Variants in SLC28A1 observed in about 807,000 individuals in gnomAD.
SLC28A1 encodes solute carrier family 28 member 1.
In SLC28A1, 64 loss-of-function variants were observed where a neutral mutation model predicts 74.8. The ratio of observed to expected loss-of-function variants is 0.86; its 90% CI spans 0.70 to 1.05. SLC28A1 has a LOEUF of 1.05. Among genes scored for constraint, SLC28A1 ranks in the 50% least tolerant of loss-of-function variants. The pLI, the probability that SLC28A1 is intolerant of heterozygous loss-of-function variation, is 0.00. For missense variants in SLC28A1, 828 were observed against 822.8 expected (o/e 1.01, Z -0.08); for synonymous variants, 359 against 335.0 (o/e 1.07, Z -0.78).
At chr15:84,886,310 A>C (rs7173860) in intron 1 of SLC28A1, 405,087 of 984,476 alleles carry the variant, frequency 0.41, 83,613 homozygotes, top group East Asian at 0.49. Flanking sequence ...GGAGATAGAG[A>C]AAGATGCAAA....
At chr15:84,948,593 G>A (rs2079310491), downstream of SLC28A1, among the ~76,000 whole-genome samples, 2 of 152,132 alleles carry the variant, frequency 1.3e-5, no homozygotes, top group South Asian at 4.1e-4. Flanking sequence ...CTATGGCTTG[G>A]AGCTGACCTC....
chr15:84,921,596 C>G (rs1969840111), intron 11 of SLC28A1, among the ~76,000 whole-genome samples: 1 of 152,202 alleles, frequency 6.6e-6, no homozygotes, highest in Non-Finnish European at 1.5e-5. Flanking sequence ...CCTCTGGAGA[C>G]TCTGCCAAGG....
the SLC28A1 span, among the ~76,000 whole-genome samples, chr15:84,954,632 G>A: frequency 1.3e-5 from 2 of 152,302 alleles, no homozygotes; most frequent in South Asian, 4.1e-4. Context: ...ACAGTTCAGC[G>A]GCTGAGCCAG....
intron 8 of SLC28A1, among the ~76,000 whole-genome samples, chr15:84,906,876 A>G (rs1160120041): frequency 6.6e-6 from 1 of 152,184 alleles, no homozygotes; most frequent in African/African-American, 2.4e-5. Flanking sequence ...TCAAAAGAAA[A>G]TTAGAACAAA....
intron 15 of SLC28A1, 152 bp downstream of exon 15, chr15:84,935,670 G>A (rs1971800403): frequency 2.9e-6 from 2 of 684,910 alleles, no homozygotes; most frequent in Non-Finnish European, 5.0e-6. Context: ...CTGGGAGACA[G>A]GACAGCTTCA....
rs540329904 is a variant in SLC28A1, at chr15:84,900,988, C to A, written c.462-3109C>A. On this transcript the variant is annotated intron_variant, in intron 6 of 18. Transcript: ENST00000394573. ...CCTGTAATCCCAGCACTTTGGGAGG[C>A]TGAGGCAGGCAGATCACGAGGTCAA... 1.8e-4 allele frequency among the ~76,000 whole-genome samples: 27 copies of A among 152,264 alleles called. 1 individual carries two copies. In the South Asian group the frequency reaches 3.3e-3, roughly 19 times the overall value.
the SLC28A1 span, among the ~76,000 whole-genome samples, chr15:84,974,812 A>G: frequency 8.7e-4 from 132 of 152,156 alleles, no homozygotes; most frequent in Non-Finnish European, 1.1e-3. Context: ...ATTGTGAGGG[A>G]GGTCTTGGAA....
chr15:84,946,062 A>C (rs1163562157), downstream of SLC28A1, among the ~76,000 whole-genome samples: 2 of 71,054 alleles, frequency 2.8e-5, no homozygotes, highest in African/African-American at 5.9e-5. Flanking sequence ...ATACATACAT[A>C]TATATATATG....
the SLC28A1 span, among the ~76,000 whole-genome samples, chr15:84,961,820 T>C: frequency 2.0e-5 from 3 of 152,232 alleles, no homozygotes; most frequent in African/African-American, 7.2e-5. Context: ...CAGGAAGAGT[T>C]TGGGATTCAC....
At chr15:84,891,146 G>A (rs987007037) in intron 5 of SLC28A1, among the ~76,000 whole-genome samples, 1 of 152,152 alleles carries the variant, frequency 6.6e-6, no homozygotes, top group African/African-American at 2.4e-5. Context: ...GAACAGGGAA[G>A]CGTCAAGGTG....
intron 11 of SLC28A1, among the ~76,000 whole-genome samples, chr15:84,922,250 T>C (rs1439772147): frequency 2.0e-5 from 3 of 152,190 alleles, no homozygotes; most frequent in African/African-American, 7.2e-5. Context: ...AACTCAGGAC[T>C]GACAGGTCAA....
chr15:84,974,760 C>T, the SLC28A1 span, among the ~76,000 whole-genome samples: 1 of 152,122 alleles, frequency 6.6e-6, no homozygotes, highest in Non-Finnish European at 1.5e-5. Context: ...CTTTAGGATG[C>T]AGGAGACAGT....
intron 12 of SLC28A1, among the ~76,000 whole-genome samples, chr15:84,926,364 ATTTTTTT>A (rs35383548): frequency 2.3e-5 from 3 of 130,368 alleles, no homozygotes; most frequent in Non-Finnish European, 3.2e-5. Flanking sequence ...ACCCCTGGCT[ATTTTTTT>A]TTTTTTTTTT....
intron 12 of SLC28A1, among the ~76,000 whole-genome samples, chr15:84,924,925 G>T (rs541649171): frequency 6.9e-6 from 1 of 145,304 alleles, no homozygotes; most frequent in Non-Finnish European, 1.5e-5. Flanking sequence ...TTTTTGAGAC[G>T]GAGTCTTGCT....
chr15:84,885,280 G>A (rs1171090785), intron 1 of SLC28A1, among the ~76,000 whole-genome samples: 2 of 150,696 alleles, frequency 1.3e-5, no homozygotes, highest in African/African-American at 4.9e-5. Context: ...TTTAAAGGTA[G>A]AGTCTTGCTC....
At position 84,924,107 on chromosome 15, in the gene SLC28A1, T is replaced by C; in HGVS notation, c.1080T>C (p.Phe360=). 1 of 1,612,856 alleles carries C rather than the reference T, an allele frequency of 6.2e-7. No individual in the cohort carries two copies. The highest frequency in any genetic ancestry group is 8.5e-7 in the Non-Finnish European group (1 of 1,179,932). The change falls in exon 12 of 19, where the codon TTT becomes TTC. Residue 360 remains phenylalanine, a synonymous_variant. Coordinates refer to ENST00000394573, the MANE Select transcript of SLC28A1 (RefSeq NM_004213.5). Reference sequence around the variant, plus strand: ...GCCTGCTGGGTGCCTACATCTCCTTTGGGGTAGGTAGAGCCCTCCTTCTGC... The same window carrying C: ...GCCTGCTGGGTGCCTACATCTCCTTCGGGGTAGGTAGAGCCCTCCTTCTGC... The part of the protein sequence containing the change: ...AGSLLGAYIS[F]GIDATSLIAA...
chr15:84,937,438 C>T (rs997272977), intron 15 of SLC28A1, among the ~76,000 whole-genome samples: 7 of 152,198 alleles, frequency 4.6e-5, no homozygotes, highest in African/African-American at 1.2e-4. Context: ...TAAACAGCAT[C>T]GGGTAGCTTC....
chr15:84,918,488 C>G (rs1195490048), intron 9 of SLC28A1, 36 bp from the exon 10 acceptor site: 1 of 1,573,812 alleles, frequency 6.4e-7, no homozygotes. Context: ...TCCTGCCTGC[C>G]TCTAACCTGC....
chr15:84,906,018 C>CTT (rs34746940), intron 8 of SLC28A1, among the ~76,000 whole-genome samples: 183 of 139,204 alleles, frequency 1.3e-3, no homozygotes, highest in East Asian at 2.9e-3. Flanking sequence ...CATTTTTGTT[C>CTT]TTTTTTTTTT....
Sources: gnomAD v4.1 joint callset for allele counts (sites outside exome capture counted in the v4.1 genomes callset) on GRCh38, gnomAD v4.1.1 for gene constraint, MANE v1.5 for transcripts, NCBI Gene and HGNC (gene_info 2026-07-23, HGNC 2026-07-21) for gene names.